The following CHST4 variants were observed in gnomAD, a reference collection of about 807,000 sequenced individuals.
CHST4 encodes the protein GST-3.
For missense variants in CHST4, 466 were observed against 506.0 expected, an observed-to-expected ratio of 0.92 and a Z score of 0.76; for synonymous variants, 171 against 195.5, an observed-to-expected ratio of 0.87 and a Z score of 1.05.
At chr16:71,533,302 G>A (rs911788047) in intron 1 of CHST4, among the ~76,000 whole-genome samples, 1 of 152,032 alleles carries the variant, frequency 6.6e-6, no homozygotes, top group Non-Finnish European at 1.5e-5. Context: ...GTGTGCGCCT[G>A]TAGTCTCACC....
chr16:71,530,057 G>C (rs537339100), intron 1 of CHST4, among the ~76,000 whole-genome samples: 7 of 152,108 alleles, frequency 4.6e-5, no homozygotes, highest in African/African-American at 1.4e-4. Flanking sequence ...AGAATCGCTT[G>C]AATCTAGGAG....
chr16:71,529,875 C>T (rs1315382497), intron 1 of CHST4, among the ~76,000 whole-genome samples: 1 of 152,132 alleles, frequency 6.6e-6, no homozygotes, highest in Non-Finnish European at 1.5e-5. Flanking sequence ...GGGCTGGGCG[C>T]GGTGCTTCAC....
chr16:71,538,633 G>A lies in CHST4; in HGVS notation c.*795G>A, dbSNP rs567173299. The stretch of plus-strand genomic sequence containing the variant: ...TTTATTGGTTTTTTAAAACACCTTT[G>A]CTATTATCTATCACCCATTTATACA... On this transcript the variant is annotated 3_prime_UTR_variant, in exon 2 of 2. Transcript: ENST00000539698. The A allele has an allele frequency of 1.2e-5, 2 of 165,664 alleles. No homozygotes were observed. Among genetic ancestry groups the A allele is most frequent in the East Asian group, 3.9e-4 (2 of 5,182 alleles). 10.3% of individuals were successfully genotyped at this position (165,664 alleles called of 1,614,324 possible). A position where few individuals can be genotyped will look rare whatever the true frequency, so the allele number is the denominator to read the frequency against.
chr16:71,537,373 T>C lies in CHST4; in HGVS notation c.696T>C (p.His232=), dbSNP rs746969634. 8 of 1,614,026 alleles carry C rather than the reference T, an allele frequency of 5.0e-6. No individual in the cohort carries two copies. The African/African-American group carries it at 5.3e-5, about 11-fold the overall frequency. ...ACAGTCGCATTGTGATGGGGCAGCATGAGCAAAAACTCAAGAAGGAGGACC... is the reference window on the plus strand; with the variant it reads ...ACAGTCGCATTGTGATGGGGCAGCACGAGCAAAAACTCAAGAAGGAGGACC... ...MIDSRIVMGQ[H]EQKLKKEDQP... is the part of the protein sequence containing the mutation. Residue 232 remains histidine, a synonymous_variant, in exon 2 of 2, where the codon CAT becomes CAC. Coordinates refer to ENST00000539698, the MANE Select transcript of CHST4 (RefSeq NM_001166395.2). This position sits in a 1 kb window ranked among gnomAD's most constrained non-coding sequence, Gnocchi z 4.2.
intron 1 of CHST4, among the ~76,000 whole-genome samples, chr16:71,527,491 A>T (rs1286995367): frequency 6.6e-6 from 1 of 152,166 alleles, no homozygotes; most frequent in Non-Finnish European, 1.5e-5. Context: ...TCGCGCCTGT[A>T]ATCCCAGCAC....
intron 1 of CHST4, among the ~76,000 whole-genome samples, chr16:71,532,110 C>T (rs555672789): frequency 2.0e-5 from 3 of 147,154 alleles, no homozygotes; most frequent in Non-Finnish European, 4.5e-5. Flanking sequence ...TGCAGTGGCG[C>T]GATCTCGGCT....
At chr16:71,527,773 C>T in intron 1 of CHST4, among the ~76,000 whole-genome samples, 1 of 151,474 alleles carries the variant, frequency 6.6e-6, no homozygotes, top group East Asian at 2.0e-4. Flanking sequence ...GAAAAAAGTA[C>T]GGGTCTGTCG....
chr16:71,532,456 T>G (rs2043956061), intron 1 of CHST4, among the ~76,000 whole-genome samples: 1 of 152,230 alleles, frequency 6.6e-6, no homozygotes, highest in African/African-American at 2.4e-5. Flanking sequence ...GATGAGATGA[T>G]CCTCATTGGA....
chr16:71,527,183 A>T (rs1207133899), intron 1 of CHST4, among the ~76,000 whole-genome samples: 4 of 152,232 alleles, frequency 2.6e-5, no homozygotes, highest in Admixed American at 2.0e-4. Flanking sequence ...ATGGTAGAAG[A>T]TACGTCTATC....
At chr16:71,535,178 G>A (rs1250961735) in intron 1 of CHST4, among the ~76,000 whole-genome samples, 2 of 152,086 alleles carry the variant, frequency 1.3e-5, no homozygotes, top group Non-Finnish European at 2.9e-5. Flanking sequence ...TGTTATATTT[G>A]TGGGTTTTTT....
intron 1 of CHST4, among the ~76,000 whole-genome samples, chr16:71,532,616 A>C (rs2043957034): frequency 6.6e-6 from 1 of 152,214 alleles, no homozygotes; most frequent in Non-Finnish European, 1.5e-5. Context: ...GAGCTGGCAA[A>C]GCATGCTTTC....
rs2044010025 is a variant in CHST4 at position 71,538,362 on chromosome 16, G to C, written c.*524G>C. ...CACAGCTATCGGTAATCAGAAATAT[G>C]AAACAAAATCTCTGCACAAAAGAGC... On this transcript the variant is annotated 3_prime_UTR_variant, in exon 2 of 2. Coordinates refer to ENST00000539698, the MANE Select transcript of CHST4 (RefSeq NM_001166395.2). The C allele has an allele frequency of 5.9e-6, 1 of 168,546 alleles. No individual in the cohort carries two copies. Among genetic ancestry groups the C allele is most frequent in the Non-Finnish European group, 1.4e-5 (1 of 69,206 alleles). The allele number at this position is 168,546 out of a possible 1,614,324, so 10.4% of individuals were successfully genotyped here. A position where few individuals can be genotyped will look rare whatever the true frequency, so the allele number is the denominator to read the frequency against.
intron 1 of CHST4, among the ~76,000 whole-genome samples, chr16:71,527,899 G>A (rs915035316): frequency 6.6e-6 from 1 of 152,136 alleles, no homozygotes; most frequent in African/African-American, 2.4e-5. Flanking sequence ...CTTAAGGTCT[G>A]TGTTGGTGTT....
rs373676045 is a variant in CHST4, at chr16:71,536,972, C to T, written c.295C>T (p.Arg99Trp). Residue 99 changes from arginine to tryptophan, a missense_variant, in exon 2 of 2, where the codon CGG (arginine) becomes TGG (tryptophan). By Grantham distance (101) the Arg-to-Trp change is moderately radical (BLOSUM62 -3). Coordinates refer to ENST00000539698, the MANE Select transcript of CHST4 (RefSeq NM_001166395.2). ...MLHMAVRDLI[R>W]AVFLCDMSVF... ...GCACATGGCTGTGCGGGATCTGATACGGGCCGTCTTCTTGTGCGACATGAG... is the reference window on the plus strand; with the variant it reads ...GCACATGGCTGTGCGGGATCTGATATGGGCCGTCTTCTTGTGCGACATGAG... The T allele has an allele frequency of 4.5e-5, 73 of 1,613,790 alleles. No individual in the cohort carries two copies. Among genetic ancestry groups the T allele is most frequent in the Middle Eastern group, 1.6e-4 (1 of 6,084 alleles).
chr16:71,534,969 G>A (rs530510885), intron 1 of CHST4, among the ~76,000 whole-genome samples: 172 of 152,274 alleles, frequency 1.1e-3, no homozygotes, highest in South Asian at 1.9e-3. Context: ...GTGGGAAGGA[G>A]GTTAAAATAT....
At chr16:71,533,757 T>C (rs987273540) in intron 1 of CHST4, among the ~76,000 whole-genome samples, 3 of 152,028 alleles carry the variant, frequency 2.0e-5, no homozygotes, top group Non-Finnish European at 4.4e-5. Flanking sequence ...AGATTTCCCC[T>C]CCAGGCTGGG....
rs1039065003 is a variant in CHST4 at position 71,537,602 on chromosome 16, A to G, written c.925A>G (p.Ile309Val). 3.1e-6 allele frequency: 5 copies of G among 1,614,170 alleles called. No homozygotes were observed. The highest frequency in any genetic ancestry group is 4.2e-6 in the Non-Finnish European group (5 of 1,180,030). ...CCATCTTCAGACCTGGGTGCATAACATCACCCGAGGCAAGGGCATGGGTGA... is the reference window on the plus strand; with the variant it reads ...CCATCTTCAGACCTGGGTGCATAACGTCACCCGAGGCAAGGGCATGGGTGA... ...LPHLQTWVHN[I>V]TRGKGMGDHA... Residue 309 changes from isoleucine (I) to valine (V), a missense_variant, in exon 2 of 2, where the codon ATC becomes GTC. By Grantham distance (29) the Ile-to-Val change is conservative (BLOSUM62 3). Coordinates refer to ENST00000539698, the MANE Select transcript of CHST4 (RefSeq NM_001166395.2). This position sits in a 1 kb window ranked among gnomAD's most constrained non-coding sequence, Gnocchi z 4.2.
At position 71,537,972 on chromosome 16, in the gene CHST4, C is replaced by A; in HGVS notation, c.*134C>A. The stretch of plus-strand genomic sequence containing the variant: ...TCACACTGAGTGTGAGTTGTGTCCA[C>A]ACGTGCTCAAGCAGAAGGACTTTTG... On this transcript the variant is annotated 3_prime_UTR_variant, in exon 2 of 2. Coordinates refer to ENST00000539698, the MANE Select transcript of CHST4 (RefSeq NM_001166395.2). The surrounding 1 kb of genome is among the most constrained non-coding windows in gnomAD (Gnocchi z 4.2). 1.2e-6 allele frequency: 1 copy of A among 800,338 alleles called. No homozygotes were observed. Among genetic ancestry groups the A allele is most frequent in the Non-Finnish European group, 2.0e-6 (1 of 502,696 alleles). 49.6% of individuals were successfully genotyped at this position (800,338 alleles called of 1,614,324 possible).
At position 71,537,044 on chromosome 16, in the gene CHST4, C is replaced by G. The variant is rs755210445; in HGVS notation, c.367C>G (p.Leu123Val). ...ACCTGGTCCCCGGAGACAGTCCAGC[C>G]TCTTTCAGTGGGAGAACAGCCGGGC... The part of the protein sequence containing the change: ...MEPGPRRQSS[L>V]FQWENSRALC... The change falls in exon 2 of 2, where the codon CTC becomes GTC. Residue 123 changes from leucine to valine, a missense_variant. Transcript: ENST00000539698. The surrounding 1 kb of genome is among the most constrained non-coding windows in gnomAD (Gnocchi z 4.2). The G allele has an allele frequency of 6.2e-7, 1 of 1,614,174 alleles. No homozygotes were observed. The highest frequency in any genetic ancestry group is 1.1e-5 in the South Asian group (1 of 91,082).
Sources: allele counts gnomAD v4.1 joint callset (sites outside exome capture counted in the v4.1 genomes callset), GRCh38; gene constraint gnomAD v4.1.1; non-coding constraint Gnocchi (gnomAD v3.1); transcripts MANE v1.5; gene names NCBI Gene and HGNC (gene_info 2026-07-23, HGNC 2026-07-21).